Variants in SPATA6 observed in about 807,000 individuals in gnomAD.
The protein encoded by SPATA6 is spermatogenesis associated 6.
Under a neutral mutation model 65.3 loss-of-function variants are expected in SPATA6, and 56 were observed. The observed-to-expected ratio is 0.86, with a 90% CI of 0.69 to 1.07. The LOEUF (loss-of-function observed/expected upper bound fraction) is 1.07, where lower values mean the gene tolerates loss of function less well. Among genes scored for constraint, SPATA6 ranks in the 50% least tolerant of loss-of-function variants. The pLI is 0.00. For synonymous variants in SPATA6, 199 were observed against 213.2 expected (o/e 0.93, Z 0.58); for missense variants, 590 against 594.8 (o/e 0.99, Z 0.08).
intron 11 of SPATA6, among the ~76,000 whole-genome samples, chr1:48,338,873 A>C (rs1035494893): frequency 6.6e-6 from 1 of 152,056 alleles, no homozygotes; most frequent in Non-Finnish European, 1.5e-5. Flanking sequence ...GAGAGTTGAA[A>C]GCCTTGAAAA....
At chr1:48,365,700 T>G (rs916697042) in intron 9 of SPATA6, among the ~76,000 whole-genome samples, 2 of 152,164 alleles carry the variant, frequency 1.3e-5, no homozygotes, top group African/African-American at 4.8e-5. Context: ...TGGGCTGAGA[T>G]GATGGGGTTT....
intron 12 of SPATA6, 87 bp downstream of exon 12, chr1:48,305,700 G>T: frequency 1.0e-6 from 1 of 956,082 alleles, no homozygotes; most frequent in Non-Finnish European, 1.5e-6. Flanking sequence ...ATCCTTTTGA[G>T]TCTAAATTTC....
the SPATA6 span, among the ~76,000 whole-genome samples, chr1:48,285,647 G>A: frequency 2.0e-5 from 3 of 152,212 alleles, no homozygotes; most frequent in Non-Finnish European, 2.9e-5. Context: ...CAAATGCACC[G>A]TTCCTCATGG....
chr1:48,363,757 TC>T lies in SPATA6; in HGVS notation c.910-3988del, dbSNP rs1200760714. 3.3e-5 allele frequency among the ~76,000 whole-genome samples: 4 copies of T among 120,598 alleles called. No homozygotes were observed. In the South Asian group the frequency reaches 1.1e-3, roughly 32 times the overall value. The allele number at this position is 120,598 out of a possible 152,430, so 79.1% of individuals were successfully genotyped here. ...ACTGGTACAGGTAAAAAAGGAAACT[TC>T]TTTTTTTTCATGTTGCCTTTTTTCT... On this transcript the variant is annotated intron_variant, in intron 9 of 12. Transcript: ENST00000371847.
intron 11 of SPATA6, among the ~76,000 whole-genome samples, chr1:48,337,975 C>T (rs1032515263): frequency 1.2e-4 from 18 of 151,824 alleles, no homozygotes; most frequent in African/African-American, 3.4e-4. Context: ...TTTTGACATA[C>T]AGATGGAAAT....
chr1:48,422,136 A>C (rs1008657572), intron 3 of SPATA6, among the ~76,000 whole-genome samples: 1 of 152,198 alleles, frequency 6.6e-6, no homozygotes, highest in African/African-American at 2.4e-5. Context: ...AGAGAAGAAA[A>C]TATATTAATG....
chr1:48,324,682 A>G (rs1486697678), intron 11 of SPATA6, among the ~76,000 whole-genome samples: 5 of 152,204 alleles, frequency 3.3e-5, no homozygotes, highest in Non-Finnish European at 5.9e-5. Flanking sequence ...CTGAGTATAT[A>G]AAGAACATAC....
intron 1 of SPATA6, among the ~76,000 whole-genome samples, chr1:48,460,133 C>A (rs1435090304): frequency 1.3e-5 from 2 of 151,818 alleles, no homozygotes; most frequent in African/African-American, 2.4e-5. Flanking sequence ...ACCATGCCTG[C>A]CTAATTTTTT....
intron 11 of SPATA6, among the ~76,000 whole-genome samples, chr1:48,312,218 TG>T (rs1645238791): frequency 6.6e-6 from 1 of 152,146 alleles, no homozygotes; most frequent in South Asian, 2.1e-4. Context: ...AAGAGAGTAG[TG>T]GTTCTCCCAG....
intron 11 of SPATA6, among the ~76,000 whole-genome samples, chr1:48,340,570 A>G (rs1646186617): frequency 6.6e-6 from 1 of 151,854 alleles, no homozygotes; most frequent in Non-Finnish European, 1.5e-5. Flanking sequence ...AACTATTAAA[A>G]AAATAAGCAC....
intron 11 of SPATA6, among the ~76,000 whole-genome samples, chr1:48,346,444 T>C (rs1646368197): frequency 6.6e-6 from 1 of 152,084 alleles, no homozygotes; most frequent in African/African-American, 2.4e-5. Context: ...TCATCACTCT[T>C]ATTCAACATA....
chr1:48,469,475 TATA>T lies in SPATA6; in HGVS notation c.51+2480_51+2482del, dbSNP rs1557743181. On this transcript the variant is annotated intron_variant, in intron 1 of 12. Transcript: ENST00000371847. ...TTTCATAAAAACAAATATCTATTTA[TATA>T]TATATATATATATATATATATGTTG... Among the ~76,000 whole-genome samples the T allele has an allele frequency of 0.011, 16 of 1,484 alleles. No homozygotes were observed. In the Non-Finnish European group the frequency reaches 0.12, roughly 12 times the overall value. 1.0% of individuals were successfully genotyped at this position (1,484 alleles called of 152,430 possible).
chr1:48,340,241 T>TAAAAAAAAA (rs58721253), intron 11 of SPATA6, among the ~76,000 whole-genome samples: 9 of 53,052 alleles, frequency 1.7e-4, no homozygotes, highest in Admixed American at 6.6e-4. Context: ...AGGCCTGCAC[T>TAAAAAAAAA]AAAAAAAAAA....
intron 5 of SPATA6, among the ~76,000 whole-genome samples, chr1:48,406,662 T>G (rs1361023010): frequency 6.6e-6 from 1 of 152,206 alleles, no homozygotes; most frequent in Admixed American, 6.6e-5. Context: ...GAACAGGAGA[T>G]ATTATCATCA....
At chr1:48,286,404 T>A in the SPATA6 span, among the ~76,000 whole-genome samples, 1 of 152,224 alleles carries the variant, frequency 6.6e-6, no homozygotes, top group African/African-American at 2.4e-5. Flanking sequence ...AATTCCTAAG[T>A]ATTTTACTCT....
intron 3 of SPATA6, among the ~76,000 whole-genome samples, chr1:48,416,254 T>G (rs1307615604): frequency 6.6e-6 from 1 of 151,874 alleles, no homozygotes; most frequent in African/African-American, 2.4e-5. Flanking sequence ...AGGGAAAAAA[T>G]ACTGAACCTA....
At chr1:48,468,806 G>A (rs183809798) in intron 1 of SPATA6, among the ~76,000 whole-genome samples, 177 of 152,122 alleles carry the variant, frequency 1.2e-3, no homozygotes, top group African/African-American at 3.7e-3. Flanking sequence ...ACTGGATCCC[G>A]GTTTGAAAAA....
chr1:48,450,701 A>G (rs1656483970), intron 3 of SPATA6, among the ~76,000 whole-genome samples: 1 of 152,216 alleles, frequency 6.6e-6, no homozygotes, highest in Non-Finnish European at 1.5e-5. Context: ...AAGAGTCACT[A>G]AACTATAAGC....
rs372516246 is a variant in SPATA6, at chr1:48,338,579, A to G, written c.1194+17091T>C. On this transcript the variant is annotated intron_variant, in intron 11 of 12. Coordinates refer to ENST00000371847, the MANE Select transcript of SPATA6 (RefSeq NM_019073.4). ...TGAAAATCTGGGACTAGCTAGGATA[A>G]AAAATTGGGTCTTGGCAACAGATGC... is the stretch of plus-strand genomic sequence containing the variant. 3.3e-5 allele frequency among the ~76,000 whole-genome samples: 5 copies of G among 152,138 alleles called. No homozygotes were observed. The East Asian group carries it at 9.7e-4, about 29-fold the overall frequency.
Sources: gnomAD v4.1 joint callset for allele counts (sites outside exome capture counted in the v4.1 genomes callset) on GRCh38, gnomAD v4.1.1 for gene constraint, MANE v1.5 for transcripts, NCBI Gene and HGNC (gene_info 2026-07-23, HGNC 2026-07-21) for gene names.